Variants in ALK observed in about 807,000 individuals in gnomAD.
The protein encoded by ALK is ALK tyrosine kinase receptor.
In ALK, 74 loss-of-function variants were observed where a neutral mutation model predicts 163.1. The ratio of observed to expected loss-of-function variants is 0.45; its 90% CI spans 0.38 to 0.55. ALK has a LOEUF of 0.55. Among genes scored for constraint, ALK ranks in the 20% least tolerant of loss-of-function variants. ALK has a pLI of 0.00. For missense variants in ALK, 2,063 were observed against 2,105.3 expected, an observed-to-expected ratio of 0.98 and a Z score of 0.39; for synonymous variants, 960 against 843.2, an observed-to-expected ratio of 1.14 and a Z score of -2.40.
intron 1 of ALK, among the ~76,000 whole-genome samples, chr2:29,719,639 A>T (rs1224489148): frequency 6.6e-6 from 1 of 152,196 alleles, no homozygotes; most frequent in Non-Finnish European, 1.5e-5. Flanking sequence ...CTCATTTTGC[A>T]GCTGAGGAAA....
intron 1 of ALK, among the ~76,000 whole-genome samples, chr2:29,820,550 G>C (rs1279236110): frequency 6.6e-6 from 1 of 152,198 alleles, no homozygotes. Context: ...ACATCAAATA[G>C]ATGTTTTCTG....
In ALK at chr2:29,829,672, G is replaced by C. The variant is rs1360535231; in HGVS notation, c.667+90321C>G. Among the ~76,000 whole-genome samples, 6 of 152,322 alleles carry C rather than the reference G, an allele frequency of 3.9e-5. No homozygotes were observed. In the East Asian group the frequency reaches 1.2e-3, roughly 29 times the overall value. On this transcript the variant is annotated intron_variant, in intron 1 of 28. Coordinates refer to ENST00000389048, the MANE Select transcript of ALK (RefSeq NM_004304.5). ...CCTAAGGGGGGTAAAATATTCATCA[G>C]ATTAATTCTTGGTGAACAGTGAACC...
intron 2 of ALK, 48 bp downstream of exon 2, chr2:29,717,530 A>T (rs1422669660): frequency 6.2e-7 from 1 of 1,606,794 alleles, no homozygotes; most frequent in Admixed American, 1.7e-5. Context: ...AGTCCTTATT[A>T]TGAGATAGTG....
intron 2 of ALK, among the ~76,000 whole-genome samples, chr2:29,698,836 C>T (rs1678648271): frequency 6.6e-6 from 1 of 152,190 alleles, no homozygotes; most frequent in Admixed American, 6.5e-5. Flanking sequence ...GCTGTACTTT[C>T]TAGCTTTAAA....
At chr2:29,340,535 C>T (rs1449875760) in intron 5 of ALK, among the ~76,000 whole-genome samples, 1 of 152,132 alleles carries the variant, frequency 6.6e-6, no homozygotes, top group Non-Finnish European at 1.5e-5. Context: ...TGGCTACTTT[C>T]TAAAGAGACA....
intron 24 of ALK, among the ~76,000 whole-genome samples, chr2:29,211,022 G>A (rs1048514108): frequency 2.0e-5 from 3 of 152,160 alleles, no homozygotes; most frequent in Non-Finnish European, 4.4e-5. Context: ...TACTTAGGGA[G>A]CACAGCTGCT....
intron 5 of ALK, among the ~76,000 whole-genome samples, chr2:29,361,746 C>A (rs769445315): frequency 1.3e-5 from 2 of 152,168 alleles, no homozygotes; most frequent in Non-Finnish European, 2.9e-5. Flanking sequence ...GCTGGAAACC[C>A]TCAAAACTGG....
At chr2:29,325,317 G>A (rs905505567) in intron 6 of ALK, among the ~76,000 whole-genome samples, 5 of 152,158 alleles carry the variant, frequency 3.3e-5, no homozygotes, top group African/African-American at 1.2e-4. Flanking sequence ...TTCCTATGAT[G>A]TTGGTGTTGA....
chr2:29,911,374 A>G (rs1667698066), intron 1 of ALK, among the ~76,000 whole-genome samples: 1 of 152,224 alleles, frequency 6.6e-6, no homozygotes, highest in South Asian at 2.1e-4. Context: ...AGGATAAAGG[A>G]CTGGGAAAGG....
At position 29,227,002 on chromosome 2, in the gene ALK, T is replaced by C. The variant is rs761370627; in HGVS notation, c.2987A>G (p.His996Arg). The change falls in exon 18 of 29, where the codon CAC (histidine) becomes CGC (arginine). Residue 996 changes from histidine (H) to arginine (R), a missense_variant. Physicochemically the swap from His to Arg is conservative, Grantham distance 29. Transcript: ENST00000389048. The surrounding 1 kb of genome is among the most constrained non-coding windows in gnomAD (Gnocchi z 4.4). ...GACCTTGTGGCTTTCAGGGTCCATG[T>C]GACATTCGTCTACCTCACAGTGACT... The part of the protein sequence containing the change: ...NCSHCEVDEC[H>R]MDPESHKVIC... 6.2e-7 allele frequency: 1 copy of C among 1,614,192 alleles called. No individual in the cohort carries two copies. The highest frequency in any genetic ancestry group is 1.1e-5 in the South Asian group (1 of 91,088).
At chr2:29,916,176 A>T (rs993859764) in intron 1 of ALK, among the ~76,000 whole-genome samples, 1 of 152,214 alleles carries the variant, frequency 6.6e-6, no homozygotes, top group African/African-American at 2.4e-5. Context: ...TCCCCACTCC[A>T]TTGGAATTCC....
chr2:29,762,393 T>C (rs1267935534), intron 1 of ALK, among the ~76,000 whole-genome samples: 5 of 152,382 alleles, frequency 3.3e-5, no homozygotes, highest in Admixed American at 3.3e-4. Flanking sequence ...TGGGTCTCGT[T>C]GCTGAAATAA....
intron 5 of ALK, among the ~76,000 whole-genome samples, chr2:29,350,287 G>A (rs1668077814): frequency 6.6e-6 from 1 of 152,206 alleles, no homozygotes; most frequent in Non-Finnish European, 1.5e-5. Flanking sequence ...GAAGGAATTG[G>A]GCCATTGTAA....
chr2:29,271,596 C>T (rs563958225), intron 11 of ALK, among the ~76,000 whole-genome samples: 2 of 152,166 alleles, frequency 1.3e-5, no homozygotes, highest in African/African-American at 4.8e-5. Flanking sequence ...GTCTCTCTGC[C>T]CTTGTCTGTG....
chr2:29,213,571 TC>T (rs1330329022), intron 24 of ALK, among the ~76,000 whole-genome samples: 1 of 152,088 alleles, frequency 6.6e-6, no homozygotes, highest in Non-Finnish European at 1.5e-5. Context: ...CAGGCAGGGG[TC>T]CTCACAGGAG....
At chr2:29,860,392 GA>G (rs61057760) in intron 1 of ALK, among the ~76,000 whole-genome samples, 1,261 of 110,324 alleles carry the variant, frequency 0.011, 4 homozygotes, top group Middle Eastern at 0.052. Context: ...AGGAAAGGGA[GA>G]AAAAAAAAAA....
chr2:29,605,560 T>C (rs1242805255), intron 3 of ALK, among the ~76,000 whole-genome samples: 1 of 152,092 alleles, frequency 6.6e-6, no homozygotes, highest in Non-Finnish European at 1.5e-5. Context: ...ATAATGGGAT[T>C]AGTGTTTTTA....
chr2:29,686,401 G>T (rs1164077443), intron 3 of ALK, among the ~76,000 whole-genome samples: 1 of 152,150 alleles, frequency 6.6e-6, no homozygotes, highest in East Asian at 1.9e-4. Flanking sequence ...TTAGGAGGTG[G>T]GTCTCTCTCC....
intron 3 of ALK, among the ~76,000 whole-genome samples, chr2:29,682,150 G>A (rs1678090025): frequency 6.6e-6 from 1 of 152,134 alleles, no homozygotes; most frequent in Non-Finnish European, 1.5e-5. Flanking sequence ...GAATACTTTA[G>A]GCTTTTGATG....
Sources: allele counts gnomAD v4.1 joint callset (sites outside exome capture counted in the v4.1 genomes callset), GRCh38; gene constraint gnomAD v4.1.1; non-coding constraint Gnocchi (gnomAD v3.1); transcripts MANE v1.5; gene names NCBI Gene and HGNC (gene_info 2026-07-23, HGNC 2026-07-21).